ASTN2: variants seen among roughly 807,000 people sequenced by gnomAD.
ASTN2 encodes astrotactin-2.
Under a neutral mutation model 139.8 loss-of-function variants are expected in ASTN2, and 54 were observed. The observed-to-expected ratio is 0.39, with a 90% CI of 0.31 to 0.48. The LOEUF (loss-of-function observed/expected upper bound fraction) is 0.48. ASTN2 is among the 20% of genes least tolerant of loss of function. ASTN2 has a pLI of 0.95. For missense variants in ASTN2, 1,565 were observed against 1,725.1 expected, an observed-to-expected ratio of 0.91 and a Z score of 1.64; for synonymous variants, 756 against 719.5, an observed-to-expected ratio of 1.05 and a Z score of -0.81.
chr9:116,435,227 T>C (rs1847614725), intron 22 of ASTN2, among the ~76,000 whole-genome samples: 1 of 152,174 alleles, frequency 6.6e-6, no homozygotes, highest in South Asian at 2.1e-4. Flanking sequence ...TGGGGATGGC[T>C]TGTGTCCAAG....
At chr9:117,210,342 T>G (rs186864390) in intron 3 of ASTN2, among the ~76,000 whole-genome samples, 1 of 151,476 alleles carries the variant, frequency 6.6e-6, no homozygotes, top group East Asian at 1.9e-4. Context: ...ATAAATAAAA[T>G]CGGAAATGAA....
chr9:116,677,030 G>T (rs989520090), intron 16 of ASTN2, among the ~76,000 whole-genome samples: 1 of 152,218 alleles, frequency 6.6e-6, no homozygotes, highest in Non-Finnish European at 1.5e-5. Flanking sequence ...CAGGTAATAA[G>T]AGATTTGAAA....
chr9:116,500,806 T>C (rs1389838868), intron 19 of ASTN2, among the ~76,000 whole-genome samples: 1 of 152,216 alleles, frequency 6.6e-6, no homozygotes, highest in Non-Finnish European at 1.5e-5. Context: ...CACATTGCCT[T>C]GCGTATGGTA....
chr9:116,510,285 C>T (rs1285261143), intron 19 of ASTN2, among the ~76,000 whole-genome samples: 1 of 152,084 alleles, frequency 6.6e-6, no homozygotes, highest in African/African-American at 2.4e-5. Context: ...ATTTCTTGCT[C>T]TTGTCAGGTT....
intron 5 of ASTN2, among the ~76,000 whole-genome samples, chr9:117,040,469 TTTTG>T: frequency 6.6e-6 from 1 of 152,328 alleles, no homozygotes; most frequent in South Asian, 2.1e-4. Context: ...TCTTTTTCTT[TTTTG>T]TTTGAGGCGG....
intron 11 of ASTN2, among the ~76,000 whole-genome samples, chr9:116,831,070 T>G (rs534038702): frequency 6.6e-6 from 1 of 152,230 alleles, no homozygotes; most frequent in South Asian, 2.1e-4. Flanking sequence ...GAGGCCTTTA[T>G]CATAAGTTAA....
chr9:116,869,484 A>G (rs1284948633), intron 10 of ASTN2, among the ~76,000 whole-genome samples: 3 of 152,154 alleles, frequency 2.0e-5, no homozygotes, highest in African/African-American at 4.8e-5. Context: ...TAGACACTTC[A>G]TGTTTCATTG....
chr9:116,894,826 T>A (rs1433359450), intron 10 of ASTN2, among the ~76,000 whole-genome samples: 1 of 152,254 alleles, frequency 6.6e-6, no homozygotes, highest in East Asian at 1.9e-4. Context: ...GGGGAGGAGA[T>A]GGGATTAGAA....
intron 2 of ASTN2, among the ~76,000 whole-genome samples, chr9:117,289,336 T>C (rs1195056585): frequency 6.6e-6 from 1 of 152,174 alleles, no homozygotes; most frequent in Non-Finnish European, 1.5e-5. Context: ...AATCTGGAAC[T>C]ACAGGGAATT....
At chr9:117,115,859 A>G (rs1256886458) in intron 4 of ASTN2, among the ~76,000 whole-genome samples, 3 of 152,014 alleles carry the variant, frequency 2.0e-5, no homozygotes, top group Non-Finnish European at 4.4e-5. Context: ...ACCCGTCTCT[A>G]CTAAAAATAC....
chr9:116,964,246 TGTGTGTGTGTGC>T (rs1363553426), intron 10 of ASTN2, among the ~76,000 whole-genome samples: 8 of 135,250 alleles, frequency 5.9e-5, no homozygotes, highest in Admixed American at 2.3e-4. Flanking sequence ...TGTGTGTGTG[TGTGTGTGTGTGC>T]GCGCGCGCGC....
rs780672472 is a variant in ASTN2 at position 116,620,287 on chromosome 9, G to A, written c.3206+23C>T. The A allele has an allele frequency of 2.5e-6, 4 of 1,614,022 alleles. No homozygotes were observed. In the Admixed American group the frequency reaches 6.7e-5, roughly 27 times the overall value. On this transcript the variant is annotated intron_variant, in intron 18 of 22. Transcript: ENST00000313400. ...AGTCCACGAAAAGGGATGGCCAAAG[G>A]AAAAGGGGCCATACATACGTACACC... is the stretch of plus-strand genomic sequence containing the variant.
chr9:116,699,165 A>G lies in ASTN2; in HGVS notation c.2806+26606T>C. On this transcript the variant is annotated intron_variant, in intron 16 of 22. Coordinates refer to ENST00000313400, the MANE Select transcript of ASTN2 (RefSeq NM_001365068.1). This position sits in a 1 kb window ranked among gnomAD's most constrained non-coding sequence, Gnocchi z 4.2. ...GAGCCAGCTGAGCAAACCATGGGGT[A>G]TCACAGCCTTGCCATCTGGCCAGTT... is the stretch of plus-strand genomic sequence containing the variant. 3 of 1,614,270 alleles carry G rather than the reference A, an allele frequency of 1.9e-6. No individual in the cohort carries two copies. The highest frequency in any genetic ancestry group is 2.5e-6 in the Non-Finnish European group (3 of 1,180,048).
intron 10 of ASTN2, among the ~76,000 whole-genome samples, chr9:116,868,112 C>A (rs779846112): frequency 1.3e-5 from 2 of 152,160 alleles, no homozygotes; most frequent in African/African-American, 4.8e-5. Context: ...GTGTGAGAAT[C>A]CCAGCTTTGC....
chr9:117,207,103 A>G (rs1281674235), intron 3 of ASTN2, among the ~76,000 whole-genome samples: 1 of 151,994 alleles, frequency 6.6e-6, no homozygotes, highest in African/African-American at 2.4e-5. Context: ...GCACCTACAT[A>G]CCAGGCATGA....
At chr9:116,723,164 CAAAAAA>C (rs34360377) in intron 16 of ASTN2, among the ~76,000 whole-genome samples, 2 of 139,508 alleles carry the variant, frequency 1.4e-5, no homozygotes, top group Non-Finnish European at 3.1e-5. Context: ...GACTCCGTCT[CAAAAAA>C]AAAAAATGAG....
chr9:116,801,846 TA>T, intron 13 of ASTN2, among the ~76,000 whole-genome samples: 1 of 151,962 alleles, frequency 6.6e-6, no homozygotes. Context: ...GGGAGTTTTC[TA>T]AATCTTGAGG....
chr9:116,462,036 T>C (rs1353553521), intron 20 of ASTN2, among the ~76,000 whole-genome samples: 1 of 152,148 alleles, frequency 6.6e-6, no homozygotes, highest in South Asian at 2.1e-4. Context: ...ATTTTATAAT[T>C]GAAGAAACTA....
chr9:116,454,214 T>C (rs1022018833), intron 20 of ASTN2, among the ~76,000 whole-genome samples: 9 of 152,158 alleles, frequency 5.9e-5, no homozygotes, highest in Non-Finnish European at 2.9e-5. Context: ...ATCCCTTATA[T>C]AGATACAACA....
Sources: gnomAD v4.1 joint callset for allele counts (sites outside exome capture counted in the v4.1 genomes callset) on GRCh38, gnomAD v4.1.1 for gene constraint, Gnocchi (gnomAD v3.1) non-coding constraint, MANE v1.5 for transcripts, NCBI Gene and HGNC (gene_info 2026-07-23, HGNC 2026-07-21) for gene names.